The following GABRB1 variants were observed in gnomAD, a reference collection of about 807,000 sequenced individuals.
The protein encoded by GABRB1 is gamma-aminobutyric acid type A receptor subunit beta1.
GABRB1 carries 17 observed loss-of-function variants against 51.6 expected under a neutral mutation model. The ratio of observed to expected loss-of-function variants is 0.33; its 90% CI spans 0.23 to 0.49. GABRB1 has a LOEUF of 0.49. Ranked by LOEUF, GABRB1 falls within the 20% of genes least tolerant of loss-of-function variation. GABRB1 has a pLI of 0.99. For missense variants in GABRB1, 410 were observed against 600.6 expected, an observed-to-expected ratio of 0.68 and a Z score of 3.32; for synonymous variants, 247 against 218.9, an observed-to-expected ratio of 1.13 and a Z score of -1.14.
At chr4:47,371,897 A>C (rs1210432707) in intron 5 of GABRB1, among the ~76,000 whole-genome samples, 2 of 152,048 alleles carry the variant, frequency 1.3e-5, no homozygotes, top group Non-Finnish European at 2.9e-5. Context: ...TTGTCTGTTT[A>C]TTCTGTTGAT....
At chr4:47,283,696 C>T (rs2109911415) in intron 4 of GABRB1, among the ~76,000 whole-genome samples, 1 of 151,790 alleles carries the variant, frequency 6.6e-6, no homozygotes, top group South Asian at 2.1e-4. Flanking sequence ...CCTCTGGGGG[C>T]TACTTTTTAG....
At chr4:47,272,034 G>T (rs1483821117) in intron 4 of GABRB1, among the ~76,000 whole-genome samples, 1 of 152,020 alleles carries the variant, frequency 6.6e-6, no homozygotes, top group Non-Finnish European at 1.5e-5. Flanking sequence ...TAATCCAAAC[G>T]ACTCCATGTA....
At chr4:47,339,087 C>G (rs761691943) in intron 5 of GABRB1, among the ~76,000 whole-genome samples, 1 of 152,142 alleles carries the variant, frequency 6.6e-6, no homozygotes, top group Non-Finnish European at 1.5e-5. Flanking sequence ...CTAGGCAAAA[C>G]AAGCCCCAGC....
At chr4:47,391,129 T>C (rs1336451751) in intron 5 of GABRB1, among the ~76,000 whole-genome samples, 3 of 151,962 alleles carry the variant, frequency 2.0e-5, no homozygotes. Flanking sequence ...TGAGCCAGGA[T>C]CACCCCACTG....
chr4:47,007,858 T>C (rs1282079484), intron 1 of GABRB1, among the ~76,000 whole-genome samples: 2 of 89,160 alleles, frequency 2.2e-5, no homozygotes, highest in East Asian at 6.0e-4. Context: ...ACGTATACCT[T>C]GGAACTGGTA....
Position 47,322,701 on chromosome 4 carries a change from C to T in GABRB1, c.544+2492C>T, listed in dbSNP as rs1002327627. Among the ~76,000 whole-genome samples, 6 of 152,112 alleles carry T rather than the reference C, an allele frequency of 3.9e-5. No individual in the cohort carries two copies. The East Asian group carries it at 5.8e-4, about 15-fold the overall frequency. ...AATTAGAAGTATAGGTTTGTCACGG[C>T]GGCTCACACCTGTAATTCCAGCACT... is the stretch of plus-strand genomic sequence containing the variant. On this transcript the variant is annotated intron_variant, in intron 5 of 8. Coordinates refer to ENST00000295454, the MANE Select transcript of GABRB1 (RefSeq NM_000812.4).
chr4:47,054,358 G>GAT (rs1726496452), intron 3 of GABRB1, among the ~76,000 whole-genome samples: 2 of 152,156 alleles, frequency 1.3e-5, no homozygotes, highest in African/African-American at 4.8e-5. Context: ...CTATACTGGT[G>GAT]CTTGCCACGT....
chr4:47,197,949 A>T (rs1719751711), intron 4 of GABRB1, among the ~76,000 whole-genome samples: 1 of 152,172 alleles, frequency 6.6e-6, no homozygotes, highest in Admixed American at 6.5e-5. Flanking sequence ...CACTATAAAT[A>T]CTTCTTAATT....
chr4:47,299,445 T>C (rs1183178882), intron 4 of GABRB1, among the ~76,000 whole-genome samples: 1 of 152,076 alleles, frequency 6.6e-6, no homozygotes, highest in Non-Finnish European at 1.5e-5. Context: ...GAACAGACAC[T>C]TCTCAAAAGA....
chr4:47,084,753 G>A (rs1477763218), intron 3 of GABRB1, among the ~76,000 whole-genome samples: 1 of 152,104 alleles, frequency 6.6e-6, no homozygotes, highest in Non-Finnish European at 1.5e-5. Flanking sequence ...CATAAACAGG[G>A]TAGCCCAGGT....
intron 4 of GABRB1, among the ~76,000 whole-genome samples, chr4:47,194,210 T>G (rs905210429): frequency 1.3e-5 from 2 of 152,226 alleles, no homozygotes; most frequent in African/African-American, 4.8e-5. Flanking sequence ...GACGTCATTT[T>G]GTCAGATGGT....
chr4:47,255,213 A>G (rs1205852026), intron 4 of GABRB1, among the ~76,000 whole-genome samples: 1 of 152,212 alleles, frequency 6.6e-6, no homozygotes, highest in Non-Finnish European at 1.5e-5. Flanking sequence ...TTCTTCACCT[A>G]TAAAGTGAGC....
chr4:47,391,100 T>C (rs1004974444), intron 5 of GABRB1, among the ~76,000 whole-genome samples: 18 of 152,050 alleles, frequency 1.2e-4, no homozygotes, highest in Admixed American at 1.0e-3. Context: ...TGCTTGAACA[T>C]GGGAGGTGGA....
chr4:47,087,076 G>T (rs531778276), intron 3 of GABRB1, among the ~76,000 whole-genome samples: 1 of 152,100 alleles, frequency 6.6e-6, no homozygotes, highest in Non-Finnish European at 1.5e-5. Flanking sequence ...AAAATGCTTC[G>T]TGGATTTCCA....
chr4:47,192,281 C>T (rs1719469104), intron 4 of GABRB1, among the ~76,000 whole-genome samples: 1 of 152,106 alleles, frequency 6.6e-6, no homozygotes, highest in African/African-American at 2.4e-5. Flanking sequence ...AGCACCAATG[C>T]TGATGATTAT....
intron 1 of GABRB1, among the ~76,000 whole-genome samples, chr4:47,015,072 A>G (rs1724705335): frequency 6.6e-6 from 1 of 152,214 alleles, no homozygotes; most frequent in African/African-American, 2.4e-5. Context: ...ACACCCGGCT[A>G]ATTTTTTGTA....
chr4:47,155,830 A>G (rs1717666133), intron 3 of GABRB1, among the ~76,000 whole-genome samples: 2 of 150,690 alleles, frequency 1.3e-5, no homozygotes, highest in South Asian at 2.1e-4. Context: ...AAATCTCCAG[A>G]TAAGCATGTT....
At chr4:47,083,066 A>G (rs1319545433) in intron 3 of GABRB1, among the ~76,000 whole-genome samples, 1 of 152,174 alleles carries the variant, frequency 6.6e-6, no homozygotes, top group East Asian at 1.9e-4. Flanking sequence ...GATTGATTGT[A>G]TGTTTTTACA....
chr4:47,246,762 C>T (rs188251935), intron 4 of GABRB1, among the ~76,000 whole-genome samples: 1 of 152,066 alleles, frequency 6.6e-6, no homozygotes, highest in Non-Finnish European at 1.5e-5. Context: ...TTTTGATTTG[C>T]ATTTCTCTGA....
Sources: gnomAD v4.1 joint callset for allele counts (sites outside exome capture counted in the v4.1 genomes callset) on GRCh38, gnomAD v4.1.1 for gene constraint, MANE v1.5 for transcripts, NCBI Gene and HGNC (gene_info 2026-07-23, HGNC 2026-07-21) for gene names.